Variants in TP73 observed in about 807,000 individuals in gnomAD.
TP73 encodes p53-like transcription factor.
TP73 carries 25 observed loss-of-function variants against 62.5 expected under a neutral mutation model. The observed-to-expected ratio is 0.40, with a 90% CI of 0.29 to 0.56. The LOEUF is 0.56. Ranked by LOEUF, TP73 falls within the 20% of genes least tolerant of loss-of-function variation. The probability of loss-of-function intolerance (pLI) is 0.46; values close to 1 mark genes in which losing one functional copy is unlikely to be tolerated. For missense variants in TP73, 754 were observed against 913.3 expected (o/e 0.83, Z 2.25); for synonymous variants, 423 against 377.5 (o/e 1.12, Z -1.40).
At chr1:3,727,576 G>C (rs1201360247) in intron 7 of TP73, 52 bp from the exon 8 acceptor site, 1 of 1,564,432 alleles carries the variant, frequency 6.4e-7, no homozygotes, top group Non-Finnish European at 8.6e-7. Context: ...AGGTGGGCAG[G>C]TTGAGGGTGG....
Position 3,696,592 on chromosome 1 carries a change from G to C in TP73, c.187-10957G>C, listed in dbSNP as rs190063297. Among the ~76,000 whole-genome samples the C allele has an allele frequency of 6.6e-6, 1 of 151,786 alleles. No homozygotes were observed. The highest frequency in any genetic ancestry group is 1.5e-5 in the Non-Finnish European group (1 of 67,970). On this transcript the variant is annotated intron_variant, in intron 3 of 13. Coordinates refer to ENST00000378295, the MANE Select transcript of TP73 (RefSeq NM_005427.4). The surrounding 1 kb of genome is among the most constrained non-coding windows in gnomAD (Gnocchi z 4.1). ...GGCAGCCTGGGAGGCCAGGAGGCAC[G>C]AGAGGCTGGCTGGGAGAACAGAAAA... is the stretch of plus-strand genomic sequence containing the variant.
At position 3,662,514 on chromosome 1, in the gene TP73, C is replaced by T. The variant is rs549824263; in HGVS notation, c.-34+9873C>T. On this transcript the variant is annotated intron_variant, in intron 1 of 13. Coordinates refer to ENST00000378295, the MANE Select transcript of TP73 (RefSeq NM_005427.4). This position sits in a 1 kb window ranked among gnomAD's most constrained non-coding sequence, Gnocchi z 4.4. ...GTCACGCGGACATGCGTCTCTCAGG[C>T]GATCAGAGTTACCTGGAGCCGCTCT... Among the ~76,000 whole-genome samples, 6 of 152,290 alleles carry T rather than the reference C, an allele frequency of 3.9e-5. No homozygotes were observed. Among genetic ancestry groups the T allele is most frequent in the African/African-American group, 9.6e-5 (4 of 41,562 alleles).
intron 6 of TP73, among the ~76,000 whole-genome samples, chr1:3,724,319 G>T (rs188034614): frequency 7.5e-4 from 114 of 152,152 alleles, no homozygotes; most frequent in African/African-American, 2.6e-3. Context: ...CTGGTTCTGA[G>T]ACCAGGCTCC....
At chr1:3,657,580 T>C (rs1010381411) in intron 1 of TP73, among the ~76,000 whole-genome samples, 1 of 152,220 alleles carries the variant, frequency 6.6e-6, no homozygotes, top group Non-Finnish European at 1.5e-5. Flanking sequence ...CTCGTGATCC[T>C]GTGTATTTTG....
intron 7 of TP73, 190 bp from the exon 8 acceptor site, chr1:3,727,438 C>A: frequency 1.0e-6 from 1 of 996,548 alleles, no homozygotes; most frequent in Non-Finnish European, 1.4e-6. Flanking sequence ...CCGGCGAGGT[C>A]TCAGGGCAGC....
At chr1:3,656,710 G>GC (rs1242309537) in intron 1 of TP73, among the ~76,000 whole-genome samples, 27 of 152,208 alleles carry the variant, frequency 1.8e-4, no homozygotes, top group Non-Finnish European at 4.4e-5. Flanking sequence ...CTCAGACACG[G>GC]CCCCCAGACA....
At chr1:3,729,795 C>T (rs866031942) in intron 10 of TP73, 25 of 825,338 alleles carry the variant, frequency 3.0e-5, no homozygotes, top group Middle Eastern at 4.7e-4. Context: ...CTCCCGGCCC[C>T]GCCATGGCCA....
At chr1:3,709,156 C>T (rs1369637701) in intron 4 of TP73, among the ~76,000 whole-genome samples, 1 of 152,190 alleles carries the variant, frequency 6.6e-6, no homozygotes, top group Non-Finnish European at 1.5e-5. Flanking sequence ...CCCGCCCGCC[C>T]CCACCTGCGG....
rs569550900 is a variant in TP73 at position 3,696,012 on chromosome 1, G to A, written c.187-11537G>A. 5.9e-5 allele frequency among the ~76,000 whole-genome samples: 9 copies of A among 152,338 alleles called. No individual in the cohort carries two copies. Among genetic ancestry groups the A allele is most frequent in the African/African-American group, 7.2e-5 (3 of 41,576 alleles). On this transcript the variant is annotated intron_variant, in intron 3 of 13. Transcript: ENST00000378295. The surrounding 1 kb of genome is among the most constrained non-coding windows in gnomAD (Gnocchi z 4.1). ...AGGGGTGAAAACGCCGCGGTCGGCC[G>A]TGGCTGTGTTGGAGATGCCCGGCAG...
chr1:3,712,004 A>T lies in TP73; in HGVS notation c.429+4213A>T, dbSNP rs571227316. On this transcript the variant is annotated intron_variant, in intron 4 of 13. Coordinates refer to ENST00000378295, the MANE Select transcript of TP73 (RefSeq NM_005427.4). ...CTGCACGGGATTCCTGGGGAGAATG[A>T]GGCTGAGTCAACACTAATGGGTCTG... Among the ~76,000 whole-genome samples, 13 of 152,266 alleles carry T rather than the reference A, an allele frequency of 8.5e-5. No individual in the cohort carries two copies. The East Asian group carries it at 2.5e-3, about 29-fold the overall frequency.
intron 1 of TP73, among the ~76,000 whole-genome samples, chr1:3,656,083 G>A (rs1238727273): frequency 1.3e-5 from 2 of 152,090 alleles, no homozygotes; most frequent in Non-Finnish European, 2.9e-5. Flanking sequence ...GGCTGAGGCA[G>A]GAGAATGGCG....
intron 1 of TP73, among the ~76,000 whole-genome samples, chr1:3,671,713 T>C (rs1645244933): frequency 6.6e-6 from 1 of 152,132 alleles, no homozygotes; most frequent in Non-Finnish European, 1.5e-5. Flanking sequence ...CCTCTGAGGA[T>C]TGAATGAGCT....
intron 1 of TP73, among the ~76,000 whole-genome samples, chr1:3,675,562 C>G (rs911941581): frequency 6.6e-6 from 1 of 152,050 alleles, no homozygotes; most frequent in Non-Finnish European, 1.5e-5. Flanking sequence ...AGCCAGTGTC[C>G]GGGATGGCTG....
intron 3 of TP73, among the ~76,000 whole-genome samples, chr1:3,697,756 TC>T (rs1250977446): frequency 6.6e-6 from 1 of 152,212 alleles, no homozygotes; most frequent in East Asian, 1.9e-4. Flanking sequence ...CATCCGTCAC[TC>T]CTGAGCCCAC....
At chr1:3,669,824 A>G (rs1645200647) in intron 1 of TP73, among the ~76,000 whole-genome samples, 1 of 152,194 alleles carries the variant, frequency 6.6e-6, no homozygotes, top group Non-Finnish European at 1.5e-5. Context: ...ACTGGGGGAC[A>G]GGGGAGGGGC....
chr1:3,727,714 G>A lies in TP73; in HGVS notation c.929G>A (p.Arg310Gln), dbSNP rs745846284. The change falls in exon 8 of 14, where the codon CGG (arginine) becomes CAG (glutamine). Residue 310 changes from arginine (R) to glutamine (Q), a missense_variant. Arg to Gln is a conservative substitution (Grantham distance 43). This residue lies in a region of TP73 where 458 missense variants were observed against 528.7 expected (regional missense o/e 0.87). Coordinates refer to ENST00000378295, the MANE Select transcript of TP73 (RefSeq NM_005427.4). ...CGAAAAGCTGATGAGGACCACTACCGGGAGCAGCAGGCCCTGAACGAGAGC... is the reference window on the plus strand; with the variant it reads ...CGAAAAGCTGATGAGGACCACTACCAGGAGCAGCAGGCCCTGAACGAGAGC... ...RDRKADEDHY[R>Q]EQQALNESSA... 1.0e-4 allele frequency: 162 copies of A among 1,571,282 alleles called. No individual in the cohort carries two copies. The highest frequency in any genetic ancestry group is 1.3e-4 in the Non-Finnish European group (149 of 1,160,124).
chr1:3,735,699 A>C lies in TP73; in HGVS notation c.*2620A>C, dbSNP rs1281915669. 1 of 152,280 alleles carries C rather than the reference A, an allele frequency of 6.6e-6. No individual in the cohort carries two copies. The highest frequency in any genetic ancestry group is 1.5e-5 in the Non-Finnish European group (1 of 68,064). The allele number at this position is 152,280 out of a possible 1,614,324, so 9.4% of individuals were successfully genotyped here. On this transcript the variant is annotated 3_prime_UTR_variant, in exon 14 of 14. Coordinates refer to ENST00000378295, the MANE Select transcript of TP73 (RefSeq NM_005427.4). ...GTTTTCCCAGCAGTGCAGGGGTTGG[A>C]GGGAGGCTGCTGGCACTCCTGGGGC...
At chr1:3,671,579 G>A (rs562515312) in intron 1 of TP73, among the ~76,000 whole-genome samples, 3 of 152,232 alleles carry the variant, frequency 2.0e-5, no homozygotes, top group Admixed American at 6.5e-5. Context: ...GCTGCCTGGC[G>A]GGAAGGTGGA....
At chr1:3,652,838 G>C (rs1417353163) in intron 1 of TP73, 197 bp downstream of exon 1, 1 of 152,358 alleles carries the variant, frequency 6.6e-6, no homozygotes, top group Non-Finnish European at 1.5e-5. Context: ...CGAGAGGCTG[G>C]AGCGGCCAGA....
Sources: gnomAD v4.1 joint callset for allele counts (sites outside exome capture counted in the v4.1 genomes callset) on GRCh38, gnomAD v4.1.1 for gene constraint, gnomAD v4.1.1 regional missense constraint, Gnocchi (gnomAD v3.1) non-coding constraint, MANE v1.5 for transcripts, NCBI Gene and HGNC (gene_info 2026-07-23, HGNC 2026-07-21) for gene names.